LINGO2: variants seen among roughly 807,000 people sequenced by gnomAD.
LINGO2 encodes the protein leucine-rich repeat and immunoglobulin-like domain-containing nogo receptor-interacting protein 2.
LINGO2 carries 14 observed loss-of-function variants against 30.6 expected under a neutral mutation model. The ratio of observed to expected loss-of-function variants is 0.46; its 90% CI spans 0.30 to 0.72. The LOEUF is 0.72. Among genes scored for constraint, LINGO2 ranks in the 30% least tolerant of loss-of-function variants. The pLI is 0.07. For missense variants in LINGO2, 729 were observed against 751.7 expected, an observed-to-expected ratio of 0.97 and a Z score of 0.35; for synonymous variants, 317 against 288.5, an observed-to-expected ratio of 1.10 and a Z score of -1.00.
the LINGO2 span, among the ~76,000 whole-genome samples, chr9:29,197,233 G>C: frequency 6.6e-6 from 1 of 151,982 alleles, no homozygotes; most frequent in African/African-American, 2.4e-5. Context: ...ACTTACAACT[G>C]TATATAACTA....
the LINGO2 span, among the ~76,000 whole-genome samples, chr9:29,047,051 A>AAAAAAAAAAAAAAAAAAAAAAAAC: frequency 1.9e-5 from 2 of 106,908 alleles, no homozygotes; most frequent in Non-Finnish European, 4.0e-5. Flanking sequence ...AAAAAAAAAA[A>AAAAAAAAAAAAAAAAAAAAAAAAC]CCAAAAACAA....
chr9:28,066,971 ACCT>A (rs1220171842), intron 4 of LINGO2, among the ~76,000 whole-genome samples: 59 of 151,788 alleles, frequency 3.9e-4, no homozygotes, highest in Non-Finnish European at 4.4e-5. Context: ...AAAATTCTAC[ACCT>A]CCTCACCATC....
chr9:28,905,006 C>T, the LINGO2 span, among the ~76,000 whole-genome samples: 1 of 151,716 alleles, frequency 6.6e-6, no homozygotes. Flanking sequence ...AGCAGAGTTG[C>T]TAAGAACACA....
At chr9:29,199,740 T>C in the LINGO2 span, among the ~76,000 whole-genome samples, 1 of 152,168 alleles carries the variant, frequency 6.6e-6, no homozygotes, top group Non-Finnish European at 1.5e-5. Flanking sequence ...CATTTTATTC[T>C]CTAATAGTAA....
At chr9:29,060,780 C>A in the LINGO2 span, among the ~76,000 whole-genome samples, 1 of 151,356 alleles carries the variant, frequency 6.6e-6, no homozygotes, top group Non-Finnish European at 1.5e-5. Context: ...AGGATGGACT[C>A]AATAGCTGAA....
intron 4 of LINGO2, among the ~76,000 whole-genome samples, chr9:28,170,444 A>G (rs1828551545): frequency 6.6e-6 from 1 of 152,154 alleles, no homozygotes; most frequent in Non-Finnish European, 1.5e-5. Context: ...AGAAGTCCCT[A>G]AATTTTGAGA....
At chr9:28,916,061 A>C in the LINGO2 span, among the ~76,000 whole-genome samples, 2 of 152,112 alleles carry the variant, frequency 1.3e-5, no homozygotes, top group Non-Finnish European at 2.9e-5. Context: ...CCATGGTGCA[A>C]ATGGGTGGTC....
intron 4 of LINGO2, among the ~76,000 whole-genome samples, chr9:28,157,964 G>C (rs764589208): frequency 1.3e-5 from 2 of 152,130 alleles, no homozygotes; most frequent in South Asian, 4.1e-4. Context: ...ACATTTTCCT[G>C]TCTTCTTCTG....
chr9:28,878,295 T>C, the LINGO2 span, among the ~76,000 whole-genome samples: 11 of 152,104 alleles, frequency 7.2e-5, no homozygotes, highest in Admixed American at 3.9e-4. Context: ...CAGGAAGAAG[T>C]TGAATCTCCG....
In LINGO2 at chr9:28,489,734, A is replaced by G. The variant is rs192759914; in HGVS notation, c.-364-13709T>C. ...CAACATGGGACACTCTGTCTCGACT[A>G]AAAAAACACAAAAATTAGCTGGGGG... On this transcript the variant is annotated intron_variant, in intron 1 of 5. Coordinates refer to ENST00000379992, the Ensembl canonical transcript of LINGO2. Among the ~76,000 whole-genome samples, 165 of 151,576 alleles carry G rather than the reference A, an allele frequency of 1.1e-3. 2 individuals are homozygous for G. The highest frequency in any genetic ancestry group is 3.9e-3 in the African/African-American group (160 of 41,330).
chr9:29,110,822 T>G, the LINGO2 span, among the ~76,000 whole-genome samples: 1 of 151,078 alleles, frequency 6.6e-6, no homozygotes, highest in African/African-American at 2.4e-5. Context: ...TCCCAAGTAG[T>G]TGGGACTACA....
chr9:28,218,772 G>A (rs1820857737), intron 4 of LINGO2, among the ~76,000 whole-genome samples: 1 of 152,016 alleles, frequency 6.6e-6, no homozygotes, highest in African/African-American at 2.4e-5. Flanking sequence ...TTCTGCCCTG[G>A]GCATTGGGTG....
the LINGO2 span, among the ~76,000 whole-genome samples, chr9:29,210,459 T>C: frequency 1.3e-5 from 2 of 152,166 alleles, no homozygotes; most frequent in Non-Finnish European, 2.9e-5. Flanking sequence ...GTACCTATAT[T>C]CAGATGAGTA....
chr9:29,003,697 G>C, the LINGO2 span, among the ~76,000 whole-genome samples: 32 of 152,048 alleles, frequency 2.1e-4, no homozygotes, highest in South Asian at 4.2e-4. Context: ...TAGGGTCAGA[G>C]AGAAGAGGTT....
the LINGO2 span, among the ~76,000 whole-genome samples, chr9:29,034,946 T>C: frequency 6.6e-6 from 1 of 152,126 alleles, no homozygotes; most frequent in African/African-American, 2.4e-5. Context: ...CAAAAGTCAA[T>C]GTGAAATAAC....
chr9:29,092,192 C>G, the LINGO2 span, among the ~76,000 whole-genome samples: 1 of 151,838 alleles, frequency 6.6e-6, no homozygotes, highest in Admixed American at 6.6e-5. Flanking sequence ...AGGAAACAGG[C>G]TTAGACAGAC....
At chr9:29,175,456 A>AT in the LINGO2 span, among the ~76,000 whole-genome samples, 1 of 152,064 alleles carries the variant, frequency 6.6e-6, no homozygotes, top group Non-Finnish European at 1.5e-5. Context: ...GTAACATTAA[A>AT]TAGTGGCATC....
intron 4 of LINGO2, among the ~76,000 whole-genome samples, chr9:28,259,937 G>C (rs1202650225): frequency 2.0e-5 from 3 of 151,708 alleles, no homozygotes; most frequent in Non-Finnish European, 4.4e-5. Context: ...CTCATAGATT[G>C]ACCACCCGGC....
the LINGO2 span, among the ~76,000 whole-genome samples, chr9:29,074,878 G>C: frequency 6.6e-6 from 1 of 151,076 alleles, no homozygotes; most frequent in Non-Finnish European, 1.5e-5. Context: ...GGGCTTCACT[G>C]TGTTAGCCAG....
Sources: gnomAD v4.1 joint callset for allele counts (sites outside exome capture counted in the v4.1 genomes callset) on GRCh38, gnomAD v4.1.1 for gene constraint, MANE v1.5 for transcripts, NCBI Gene and HGNC (gene_info 2026-07-23, HGNC 2026-07-21) for gene names.